PFKFB3: variants seen among roughly 807,000 people sequenced by gnomAD.
PFKFB3 encodes 6-phosphofructo-2-kinase/fructose-2,6-bisphosphatase 3.
PFKFB3 carries 33 observed loss-of-function variants against 68.0 expected under a neutral mutation model. The observed-to-expected ratio is 0.49, with a 90% CI of 0.37 to 0.65. The LOEUF is 0.65. PFKFB3 is among the 30% of genes least tolerant of loss of function. The pLI is 0.00. For synonymous variants in PFKFB3, 315 were observed against 288.2 expected, an observed-to-expected ratio of 1.09 and a Z score of -0.94; for missense variants, 586 against 712.2, an observed-to-expected ratio of 0.82 and a Z score of 2.02.
chr10:6,175,792 T>G (rs1842448009), intron 1 of PFKFB3, among the ~76,000 whole-genome samples: 1 of 152,188 alleles, frequency 6.6e-6, no homozygotes, highest in African/African-American at 2.4e-5. Flanking sequence ...GAGATGCAAA[T>G]TAAAGCCACG....
At chr10:6,203,494 G>C (rs1843477402) in intron 1 of PFKFB3, among the ~76,000 whole-genome samples, 158 bp downstream of exon 1, 1 of 149,308 alleles carries the variant, frequency 6.7e-6, no homozygotes, top group Non-Finnish European at 1.5e-5. Context: ...GTCCTTGGCC[G>C]GGCGGCGGGG....
exon 15 of PFKFB3, chr10:6,254,497 G>A (rs1296353841): frequency 5.0e-6 from 2 of 397,342 alleles, no homozygotes; most frequent in Non-Finnish European, 4.4e-6. Context: ...GTCTCCAATG[G>A]ATGATGGGTA....
intron 14 of PFKFB3, among the ~76,000 whole-genome samples, chr10:6,251,331 G>C (rs960221693): frequency 3.3e-5 from 5 of 152,182 alleles, no homozygotes; most frequent in Admixed American, 6.5e-5. Context: ...AGGGAATGGT[G>C]CCCGTCTCCA....
At chr10:6,146,156 G>A (rs4747891) in intron 1 of PFKFB3, 1 of 901,596 alleles carries the variant, frequency 1.1e-6, no homozygotes, top group Non-Finnish European at 1.3e-6. Flanking sequence ...GGGGAGCCTG[G>A]CCTCCCCTGG....
rs147032314 is a variant in PFKFB3 at position 6,247,330 on chromosome 10, C to G, written c.1516-6848C>G. On this transcript the variant is annotated intron_variant, in intron 14 of 14. Coordinates refer to the PFKFB3 transcript ENST00000640683. ...AAAAATGGAAAGGCTTTGCCTCTGA[C>G]ACAGCCTGATTTAATTGTTGAACAA... Among the ~76,000 whole-genome samples, 1,036 of 152,322 alleles carry G rather than the reference C, an allele frequency of 6.8e-3. 9 individuals carry two copies. Among genetic ancestry groups the G allele is most frequent in the African/African-American group, 0.023 (954 of 41,554 alleles).
intron 1 of PFKFB3, among the ~76,000 whole-genome samples, chr10:6,179,798 C>G (rs79413568): frequency 6.6e-6 from 1 of 152,124 alleles, no homozygotes; most frequent in African/African-American, 2.4e-5. Flanking sequence ...ACAGAAACCA[C>G]GAGAGCCCAC....
chr10:6,185,746 T>G (rs942907959), intron 1 of PFKFB3, among the ~76,000 whole-genome samples: 1 of 151,520 alleles, frequency 6.6e-6, no homozygotes, highest in African/African-American at 2.4e-5. Flanking sequence ...TTCAAGCGAT[T>G]TTCCTGCCTC....
the PFKFB3 span, among the ~76,000 whole-genome samples, chr10:6,302,325 G>C: frequency 6.9e-6 from 1 of 144,748 alleles, no homozygotes; most frequent in African/African-American, 2.6e-5. Context: ...AAAGTGCTGG[G>C]ATTACAGATA....
chr10:6,237,327 G>GC (rs1485731838), downstream of PFKFB3, among the ~76,000 whole-genome samples: 1 of 152,252 alleles, frequency 6.6e-6, no homozygotes. Flanking sequence ...GACCTGGCCC[G>GC]CAGTGGGCTC....
chr10:6,321,271 C>T, the PFKFB3 span, among the ~76,000 whole-genome samples: 4 of 152,062 alleles, frequency 2.6e-5, no homozygotes, highest in African/African-American at 4.8e-5. Flanking sequence ...GAAACTGATG[C>T]CTTTATTCCT....
At chr10:6,214,590 TGATTGGG>T (rs1189157724) in intron 2 of PFKFB3, among the ~76,000 whole-genome samples, 16 of 152,170 alleles carry the variant, frequency 1.1e-4, no homozygotes, top group Admixed American at 1.0e-3. Flanking sequence ...TATTGCATAT[TGATTGGG>T]GATTGGGCTT....
the PFKFB3 span, among the ~76,000 whole-genome samples, chr10:6,269,184 A>T: frequency 6.6e-6 from 1 of 151,024 alleles, no homozygotes; most frequent in African/African-American, 2.4e-5. Flanking sequence ...ATTCTTCAGT[A>T]TATTTTTACT....
chr10:6,213,578 C>A lies in PFKFB3; in HGVS notation c.77-45C>A, dbSNP rs868715197. On this transcript the variant is annotated intron_variant, in intron 1 of 14. Transcript: ENST00000379775. ...TGGGTGTGGCCTCTGCTCCTCTTCT[C>A]CGGTCACTTGGTTGATGACACACCC... The A allele has an allele frequency of 1.1e-5, 18 of 1,586,038 alleles. No homozygotes were observed. The Middle Eastern group carries it at 3.0e-3, about 266-fold the overall frequency.
At chr10:6,156,436 A>G (rs1841795932) in intron 1 of PFKFB3, among the ~76,000 whole-genome samples, 1 of 147,794 alleles carries the variant, frequency 6.8e-6, no homozygotes, top group African/African-American at 2.5e-5. Context: ...GATTATAGGC[A>G]TGTGTCATCA....
chr10:6,146,369 G>A, intron 1 of PFKFB3: 1 of 1,535,282 alleles, frequency 6.5e-7, no homozygotes, highest in South Asian at 1.2e-5. Flanking sequence ...TGTCCCGTTG[G>A]GGTAGAGAGA....
chr10:6,222,692 G>A lies in PFKFB3; in HGVS notation c.1084-163G>A, dbSNP rs1845054742. ...TGGGGAGGGCTTCACTCTTTTTGTG[G>A]CTGAGCAATAGTCCACGTTAAACCC... On this transcript the variant is annotated intron_variant, in intron 10 of 14. Transcript: ENST00000379775. The A allele has an allele frequency of 4.5e-6, 3 of 670,282 alleles. No homozygotes were observed. The Admixed American group carries it at 1.1e-4, about 24-fold the overall frequency. 41.5% of individuals were successfully genotyped at this position (670,282 alleles called of 1,614,324 possible).
intron 1 of PFKFB3, among the ~76,000 whole-genome samples, chr10:6,174,974 C>G (rs907609072): frequency 2.0e-5 from 3 of 152,034 alleles, no homozygotes; most frequent in Non-Finnish European, 2.9e-5. Context: ...TGCCACCAGG[C>G]CTGGCTAATT....
In PFKFB3 at chr10:6,233,821, C is replaced by G. The variant is rs3829148; in HGVS notation, c.*879C>G. 42,944 of 152,920 alleles carry G rather than the reference C, an allele frequency of 0.28. 7,289 individuals carry two copies. The highest frequency in any genetic ancestry group is 0.42 in the East Asian group (2,221 of 5,306). 9.5% of individuals were successfully genotyped at this position (152,920 alleles called of 1,614,324 possible). A position where few individuals can be genotyped will look rare whatever the true frequency, so the allele number is the denominator to read the frequency against. ...TTCAGGAACGTAGATGTTGGGGTGT[C>G]TTGCCCTGGGGGGCTTGGAACCTCT... is the stretch of plus-strand genomic sequence containing the variant. On this transcript the variant is annotated 3_prime_UTR_variant, in exon 15 of 15. Transcript: ENST00000379775.
intron 1 of PFKFB3, among the ~76,000 whole-genome samples, chr10:6,163,590 T>C (rs551421956): frequency 6.6e-6 from 1 of 151,970 alleles, no homozygotes; most frequent in East Asian, 1.9e-4. Context: ...GCCTCCACCC[T>C]CCATTGCACC....
Sources: allele counts gnomAD v4.1 joint callset (sites outside exome capture counted in the v4.1 genomes callset), GRCh38; gene constraint gnomAD v4.1.1; transcripts MANE v1.5; gene names NCBI Gene and HGNC (gene_info 2026-07-23, HGNC 2026-07-21).